The following CELF2 variants were observed in gnomAD, a reference collection of about 807,000 sequenced individuals.
CELF2 encodes CUG triplet repeat RNA-binding protein 2.
In CELF2, 8 loss-of-function variants were observed where a neutral mutation model predicts 62.6. The observed-to-expected ratio is 0.13, with a 90% CI of 0.07 to 0.23. The LOEUF (loss-of-function observed/expected upper bound fraction) is 0.23. Among genes scored for constraint, CELF2 ranks in the 10% least tolerant of loss-of-function variants. The pLI is 1.00. For missense variants in CELF2, 333 were observed against 671.0 expected (o/e 0.50, Z 5.56); for synonymous variants, 258 against 250.0 (o/e 1.03, Z -0.30).
Position 10,809,112 on chromosome 10 carries a change from G to A in CELF2, c.53+10295G>A, listed in dbSNP as rs751789455. ...TTTATGGAAGTGAAACCAACATGAC[G>A]GGATTAGTATCCTTAAAAAGAAGAG... On this transcript the variant is annotated intron_variant, in intron 1 of 13. Coordinates refer to the CELF2 transcript ENST00000636488. 1.3e-3 allele frequency among the ~76,000 whole-genome samples: 192 copies of A among 152,080 alleles called. 1 individual carries two copies. Among genetic ancestry groups the A allele is most frequent in the Admixed American group, 2.8e-3 (43 of 15,264 alleles).
intron 1 of CELF2, among the ~76,000 whole-genome samples, chr10:10,839,112 C>T (rs1052963498): frequency 6.6e-6 from 1 of 152,258 alleles, no homozygotes; most frequent in South Asian, 2.1e-4. Flanking sequence ...CTCCACTGCA[C>T]TCCAGCCTGA....
At chr10:10,958,664 C>G (rs543283065) in intron 2 of CELF2, among the ~76,000 whole-genome samples, 6 of 151,920 alleles carry the variant, frequency 3.9e-5, no homozygotes, top group Non-Finnish European at 8.8e-5. Context: ...GGCAACAGAA[C>G]AAGACTCATC....
intron 2 of CELF2, among the ~76,000 whole-genome samples, chr10:11,200,958 C>T (rs901857574): frequency 3.9e-5 from 6 of 152,172 alleles, no homozygotes; most frequent in Non-Finnish European, 5.9e-5. Flanking sequence ...CTCTCTCAAA[C>T]GGGTCAGTTT....
At chr10:11,273,506 T>C (rs1402115926) in intron 7 of CELF2, among the ~76,000 whole-genome samples, 1 of 152,138 alleles carries the variant, frequency 6.6e-6, no homozygotes, top group Admixed American at 6.5e-5. Context: ...TCCACGAAAC[T>C]TCTTTCCCCG....
intron 1 of CELF2, among the ~76,000 whole-genome samples, chr10:11,120,777 G>C (rs1181766070): frequency 6.6e-6 from 1 of 152,134 alleles, no homozygotes; most frequent in African/African-American, 2.4e-5. Flanking sequence ...TTGGGCCCTT[G>C]ATTTCATAGA....
intron 3 of CELF2, among the ~76,000 whole-genome samples, chr10:11,229,149 C>G (rs1346463717): frequency 2.6e-5 from 4 of 152,180 alleles, no homozygotes; most frequent in Admixed American, 2.6e-4. Flanking sequence ...ATCACATCTC[C>G]TAACTCCGAG....
the CELF2 span, among the ~76,000 whole-genome samples, chr10:10,696,396 C>T: frequency 3.3e-5 from 5 of 150,404 alleles, no homozygotes; most frequent in Admixed American, 6.6e-5. Context: ...AGAACCACTG[C>T]TCTCTTCAAA....
intron 9 of CELF2, among the ~76,000 whole-genome samples, chr10:11,307,893 G>A (rs1403997833): frequency 6.6e-6 from 1 of 152,196 alleles, no homozygotes; most frequent in African/African-American, 2.4e-5. Context: ...GCTCACCACA[G>A]AGGCAGGCAG....
rs145360525 is a variant in CELF2, at chr10:11,324,186, A to C, written c.1295-1650A>C. On this transcript the variant is annotated intron_variant, in intron 11 of 12. Coordinates refer to ENST00000633077, the MANE Select transcript of CELF2 (RefSeq NM_001326342.2). This position sits in a 1 kb window ranked among gnomAD's most constrained non-coding sequence, Gnocchi z 4.7. ...ACTCAGGCATACCCAGTCATCTGTC[A>C]TGTGCATTGAAACTGTATTTTCTCC... Among the ~76,000 whole-genome samples the C allele has an allele frequency of 1.3e-5, 2 of 152,350 alleles. No individual in the cohort carries two copies. The highest frequency in any genetic ancestry group is 3.9e-4 in the East Asian group (2 of 5,188).
At chr10:10,571,376 A>G in the CELF2 span, among the ~76,000 whole-genome samples, 1 of 152,210 alleles carries the variant, frequency 6.6e-6, no homozygotes, top group Non-Finnish European at 1.5e-5. Context: ...AAAATAGTAA[A>G]TATTATGGAC....
chr10:10,619,112 CT>C, the CELF2 span, among the ~76,000 whole-genome samples: 4 of 152,334 alleles, frequency 2.6e-5, no homozygotes, highest in East Asian at 7.7e-4. Context: ...GCCAGATAGC[CT>C]TTTCCTATTG....
the CELF2 span, among the ~76,000 whole-genome samples, chr10:10,490,776 C>A: frequency 6.6e-6 from 1 of 152,098 alleles, no homozygotes; most frequent in Non-Finnish European, 1.5e-5. Flanking sequence ...AAGTAAACAG[C>A]CTTCTTCCCA....
chr10:11,240,138 A>G (rs2073280490), intron 3 of CELF2, among the ~76,000 whole-genome samples: 1 of 152,242 alleles, frequency 6.6e-6, no homozygotes. Context: ...GAGGTTAGGT[A>G]AATGCCATAT....
At chr10:10,709,229 G>T in the CELF2 span, among the ~76,000 whole-genome samples, 474 of 152,250 alleles carry the variant, frequency 3.1e-3, 4 homozygotes, top group African/African-American at 0.011. Flanking sequence ...GCCAGTAATT[G>T]CTTCCCTGAT....
At chr10:10,724,106 A>G in the CELF2 span, among the ~76,000 whole-genome samples, 1 of 152,200 alleles carries the variant, frequency 6.6e-6, no homozygotes, top group Non-Finnish European at 1.5e-5. Flanking sequence ...CTCTGTAACC[A>G]TTGTAAATCA....
intron 2 of CELF2, chr10:10,948,472 A>G (rs749841664): frequency 1.3e-5 from 2 of 152,198 alleles, no homozygotes; most frequent in Non-Finnish European, 2.9e-5. Context: ...TCTTGTGATG[A>G]CGTACCTTCT....
chr10:10,703,553 C>T, the CELF2 span, among the ~76,000 whole-genome samples: 3 of 152,210 alleles, frequency 2.0e-5, no homozygotes, highest in South Asian at 2.1e-4. Flanking sequence ...AATGGTCTGG[C>T]ACTGGCTGTC....
chr10:10,617,910 T>C, the CELF2 span, among the ~76,000 whole-genome samples: 35 of 152,202 alleles, frequency 2.3e-4, no homozygotes, highest in East Asian at 5.6e-3. Context: ...TACAACATTT[T>C]TATGCTGGAA....
chr10:11,118,590 A>T (rs898441907), intron 1 of CELF2, among the ~76,000 whole-genome samples: 3 of 152,206 alleles, frequency 2.0e-5, no homozygotes, highest in African/African-American at 7.2e-5. Flanking sequence ...TGGTGACTTC[A>T]GATTTTTGCG....
Sources: allele counts gnomAD v4.1 joint callset (sites outside exome capture counted in the v4.1 genomes callset), GRCh38; gene constraint gnomAD v4.1.1; non-coding constraint Gnocchi (gnomAD v3.1); transcripts MANE v1.5; gene names NCBI Gene and HGNC (gene_info 2026-07-23, HGNC 2026-07-21).